GLI2: variants seen among roughly 807,000 people sequenced by gnomAD.
The protein encoded by GLI2 is transcription activator GLI2.
Under a neutral mutation model 78.9 loss-of-function variants are expected in GLI2, and 22 were observed. The observed-to-expected ratio is 0.28, with a 90% confidence interval of 0.20 to 0.40. The LOEUF (loss-of-function observed/expected upper bound fraction) is 0.40, where lower values mean the gene tolerates loss of function less well. Ranked by LOEUF, GLI2 falls within the 10% of genes least tolerant of loss-of-function variation. The pLI is 1.00. For synonymous variants in GLI2, 974 were observed against 963.7 expected, an observed-to-expected ratio of 1.01 and a Z score of -0.20; for missense variants, 2,097 against 2,213.2, an observed-to-expected ratio of 0.95 and a Z score of 1.05.
intron 2 of GLI2, among the ~76,000 whole-genome samples, chr2:120,821,564 T>A (rs867519652): frequency 2.8e-4 from 42 of 152,222 alleles, no homozygotes; most frequent in African/African-American, 9.6e-4. Context: ...GAGAGCCTGG[T>A]GGGCCCTGGG....
chr2:120,891,918 T>C (rs1447268753), intron 2 of GLI2, among the ~76,000 whole-genome samples: 23 of 152,186 alleles, frequency 1.5e-4, no homozygotes, highest in Admixed American at 1.5e-3. Context: ...CTCTTTCCAC[T>C]GCACTCCAGG....
At chr2:120,968,602 G>C in intron 5 of GLI2, 112 bp from the exon 6 acceptor site, 1 of 849,210 alleles carries the variant, frequency 1.2e-6, no homozygotes, top group Non-Finnish European at 2.0e-6. Context: ...AGTCGGCAAA[G>C]CTAGGATTCC....
At chr2:120,830,252 C>T (rs763431849) in intron 2 of GLI2, among the ~76,000 whole-genome samples, 7 of 152,220 alleles carry the variant, frequency 4.6e-5, no homozygotes, top group Non-Finnish European at 1.0e-4. Context: ...TCTTGAGCCC[C>T]TCCTTGCCCT....
chr2:120,816,803 T>C (rs745759045), intron 2 of GLI2, among the ~76,000 whole-genome samples: 9 of 152,224 alleles, frequency 5.9e-5, no homozygotes, highest in Non-Finnish European at 8.8e-5. Flanking sequence ...TCCAGTCTAA[T>C]ACAGATCTAG....
intron 2 of GLI2, among the ~76,000 whole-genome samples, chr2:120,808,147 T>C (rs561254208): frequency 6.6e-6 from 1 of 152,258 alleles, no homozygotes; most frequent in Non-Finnish European, 1.5e-5. Context: ...AGAGGAAGTT[T>C]GGGTTTGGTA....
intron 1 of GLI2, among the ~76,000 whole-genome samples, chr2:120,785,358 G>T (rs2104675774): frequency 6.6e-6 from 1 of 152,312 alleles, no homozygotes; most frequent in South Asian, 2.1e-4. Flanking sequence ...AGGAAAAAGT[G>T]GTGTTCTACT....
intron 1 of GLI2, among the ~76,000 whole-genome samples, chr2:120,787,570 C>T (rs958487470): frequency 6.6e-6 from 1 of 152,222 alleles, no homozygotes; most frequent in African/African-American, 2.4e-5. Context: ...CTCAGCCTGC[C>T]CGGGGCAGTG....
chr2:120,974,313 T>A (rs780451607), intron 8 of GLI2, among the ~76,000 whole-genome samples: 2 of 152,144 alleles, frequency 1.3e-5, no homozygotes, highest in South Asian at 4.1e-4. Flanking sequence ...AGGGTGCCCC[T>A]GGTTAGCATC....
chr2:120,789,110 C>A (rs571147629), intron 1 of GLI2, among the ~76,000 whole-genome samples: 1 of 149,418 alleles, frequency 6.7e-6, no homozygotes, highest in Admixed American at 6.7e-5. Flanking sequence ...CTGCTCACTG[C>A]AACCTCCACC....
In GLI2 at chr2:120,811,408, C is replaced by T. The variant is rs544173389; in HGVS notation, c.148+13940C>T. On this transcript the variant is annotated intron_variant, in intron 2 of 13. Transcript: ENST00000361492. Reference sequence around the variant, plus strand: ...GCTCCCCATAAGGGTACACAAAGTGCTCCCTGAGAAGTGCCAGACCAGAGC... The same window carrying T: ...GCTCCCCATAAGGGTACACAAAGTGTTCCCTGAGAAGTGCCAGACCAGAGC... Among the ~76,000 whole-genome samples, 91 of 152,294 alleles carry T rather than the reference C, an allele frequency of 6.0e-4. 3 individuals carry two copies. In the South Asian group the frequency reaches 0.018, roughly 31 times the overall value.
chr2:120,826,242 A>G (rs1434065018), intron 2 of GLI2, among the ~76,000 whole-genome samples: 1 of 152,208 alleles, frequency 6.6e-6, no homozygotes, highest in Non-Finnish European at 1.5e-5. Flanking sequence ...GGCTGAGTGC[A>G]TGCAGCTGAA....
intron 2 of GLI2, among the ~76,000 whole-genome samples, chr2:120,818,791 G>A (rs550915427): frequency 3.7e-4 from 56 of 152,304 alleles, no homozygotes; most frequent in Admixed American, 1.2e-3. Context: ...AGATGTTTAC[G>A]AAAGGCCTAC....
At chr2:120,874,478 A>G (rs1417435584) in intron 2 of GLI2, among the ~76,000 whole-genome samples, 1 of 152,230 alleles carries the variant, frequency 6.6e-6, no homozygotes, top group Non-Finnish European at 1.5e-5. Flanking sequence ...AGCCCTAGCC[A>G]TGCTGGCTTC....
intron 2 of GLI2, among the ~76,000 whole-genome samples, chr2:120,916,829 T>A (rs1679124710): frequency 6.6e-6 from 1 of 152,204 alleles, no homozygotes; most frequent in Admixed American, 6.5e-5. Flanking sequence ...CCTGTGTATG[T>A]CAAGGCCATA....
At chr2:120,938,697 G>T (rs1680307554) in intron 3 of GLI2, among the ~76,000 whole-genome samples, 1 of 152,348 alleles carries the variant, frequency 6.6e-6, no homozygotes, top group East Asian at 1.9e-4. Flanking sequence ...ATGCGTGTTT[G>T]CTGCAGACGG....
At chr2:120,769,747 CTGTA>C (rs1683471389) in intron 1 of GLI2, among the ~76,000 whole-genome samples, 1 of 152,118 alleles carries the variant, frequency 6.6e-6, no homozygotes, top group Non-Finnish European at 1.5e-5. Context: ...TTGCTTGCGT[CTGTA>C]TGTGAGTGCA....
intron 8 of GLI2, among the ~76,000 whole-genome samples, chr2:120,974,554 C>T (rs1178466292): frequency 2.0e-5 from 3 of 152,172 alleles, no homozygotes; most frequent in Non-Finnish European, 2.9e-5. Context: ...TAGGCTGCCT[C>T]GAGCTCACTG....
intron 1 of GLI2, among the ~76,000 whole-genome samples, chr2:120,744,239 T>G (rs1682634933): frequency 6.6e-6 from 1 of 152,248 alleles, no homozygotes; most frequent in Non-Finnish European, 1.5e-5. Flanking sequence ...ACTCAGACGT[T>G]TCTGCAGACA....
chr2:120,824,964 T>C (rs1241328456), intron 2 of GLI2, among the ~76,000 whole-genome samples: 1 of 152,148 alleles, frequency 6.6e-6, no homozygotes, highest in African/African-American at 2.4e-5. Flanking sequence ...CCCTCCCAAG[T>C]AGCTGGGACT....
Sources: gnomAD v4.1 joint callset for allele counts (sites outside exome capture counted in the v4.1 genomes callset) on GRCh38, gnomAD v4.1.1 for gene constraint, MANE v1.5 for transcripts, NCBI Gene and HGNC (gene_info 2026-07-23, HGNC 2026-07-21) for gene names.